The following IFIH1 variants were observed in gnomAD, a reference collection of about 807,000 sequenced individuals.
IFIH1 encodes interferon-induced helicase C domain-containing protein 1.
IFIH1 carries 125 observed loss-of-function variants against 107.4 expected under a neutral mutation model. The ratio of observed to expected loss-of-function variants is 1.16; its 90% CI spans 1.01 to 1.35. IFIH1 has a LOEUF of 1.35. IFIH1 is among the 40% of genes most tolerant of loss of function. IFIH1 has a pLI of 0.00. For synonymous variants in IFIH1, 458 were observed against 413.2 expected (o/e 1.11, Z -1.31); for missense variants, 1,333 against 1,213.7 (o/e 1.10, Z -1.46).
Position 162,281,642 on chromosome 2 carries a change from T to A in IFIH1, c.1307-97A>T, listed in dbSNP as rs531025439. The A allele has an allele frequency of 3.8e-4, 315 of 818,650 alleles. 3 individuals carry two copies. In the African/African-American group the frequency reaches 4.9e-3, roughly 13 times the overall value. 50.7% of individuals were successfully genotyped at this position (818,650 alleles called of 1,614,324 possible). A position where few individuals can be genotyped will look rare whatever the true frequency, so the allele number is the denominator to read the frequency against. ...TAATTGAGCTGCCTTGGGGATGCCT[T>A]CTCTTGGGCACGACACAAGAGCAGT... On this transcript the variant is annotated intron_variant, in intron 6 of 15. Transcript: ENST00000649979.
At chr2:162,306,214 G>A (rs569331048) in intron 3 of IFIH1, among the ~76,000 whole-genome samples, 11 of 152,268 alleles carry the variant, frequency 7.2e-5, no homozygotes, top group African/African-American at 2.6e-4. Context: ...AGTCCTCACC[G>A]ATTAGTTAAT....
intron 4 of IFIH1, 84 bp downstream of exon 4, chr2:162,293,480 G>A (rs779254183): frequency 1.3e-5 from 10 of 751,748 alleles, no homozygotes; most frequent in African/African-American, 3.5e-5. Context: ...AATACATTAG[G>A]GAGGGTATGA....
At chr2:162,279,559 T>C (rs1682769633) in intron 8 of IFIH1, among the ~76,000 whole-genome samples, 1 of 152,110 alleles carries the variant, frequency 6.6e-6, no homozygotes, top group Non-Finnish European at 1.5e-5. Context: ...AAAGTAAATA[T>C]GCAAGTATGC....
At chr2:162,268,340 G>A in intron 13 of IFIH1, 63 bp from the exon 14 acceptor site, 1 of 1,103,380 alleles carries the variant, frequency 9.1e-7, no homozygotes, top group East Asian at 2.4e-5. Flanking sequence ...TTTCATAGAA[G>A]TAAGTCTCCT....
At chr2:162,294,858 A>T (rs1394259356) in intron 3 of IFIH1, among the ~76,000 whole-genome samples, 1 of 151,826 alleles carries the variant, frequency 6.6e-6, no homozygotes, top group African/African-American at 2.4e-5. Context: ...TGTCATATTT[A>T]TGGCTGGAAA....
Position 162,276,965 on chromosome 2 carries a change from G to A in IFIH1, c.2045-19C>T. The A allele has an allele frequency of 6.4e-7, 1 of 1,567,752 alleles. No individual in the cohort carries two copies. Among genetic ancestry groups the A allele is most frequent in the African/African-American group, 1.4e-5 (1 of 72,934 alleles). The stretch of plus-strand genomic sequence containing the variant: ...TTGTTTTCTTTAAGAAATAATTAGA[G>A]TTGATATGTTAACAAGCTTGATTTA... On this transcript the variant is annotated intron_variant, in intron 10 of 15. Coordinates refer to ENST00000649979, the MANE Select transcript of IFIH1 (RefSeq NM_022168.4).
At chr2:162,296,777 T>C (rs1252801587) in intron 3 of IFIH1, among the ~76,000 whole-genome samples, 1 of 152,176 alleles carries the variant, frequency 6.6e-6, no homozygotes, top group Non-Finnish European at 1.5e-5. Context: ...AGATTTTCAC[T>C]AACTTTACAT....
chr2:162,267,209 A>G lies in IFIH1; in HGVS notation c.3069T>C (p.Asp1023=), dbSNP rs532533646. 2 of 1,584,644 alleles carry G rather than the reference A, an allele frequency of 1.3e-6. No individual in the cohort carries two copies. Among genetic ancestry groups the G allele is most frequent in the South Asian group, 1.2e-5 (1 of 85,690 alleles). Residue 1023 remains aspartate (D), a synonymous_variant, in exon 16 of 16, where the codon GAT becomes GAC. Transcript: ENST00000649979. The stretch of plus-strand genomic sequence containing the variant: ...AATCTTCAATCAAGTGCTAATCCTC[A>G]TCACTAAATAAACAGCATTCTGAAT... The part of the protein sequence containing the change: ...LDYSECCLFS[D]ED
chr2:162,297,510 A>G (rs1683113964), intron 3 of IFIH1, among the ~76,000 whole-genome samples: 1 of 152,182 alleles, frequency 6.6e-6, no homozygotes, highest in South Asian at 2.1e-4. Flanking sequence ...AGTAGTCTCT[A>G]TTTTCTCACT....
At chr2:162,288,107 C>T in intron 5 of IFIH1, 28 bp downstream of exon 5, 2 of 1,401,068 alleles carry the variant, frequency 1.4e-6, no homozygotes, top group Non-Finnish European at 2.0e-6. Flanking sequence ...TGAAAATGAT[C>T]AACTAGTGTT....
At chr2:162,306,932 T>C (rs1683291684) in intron 2 of IFIH1, 77 bp from the exon 3 acceptor site, 1 of 1,322,994 alleles carries the variant, frequency 7.6e-7, no homozygotes, top group African/African-American at 1.5e-5. Context: ...GTTATTGTTA[T>C]TTTGAAAACA....
intron 3 of IFIH1, among the ~76,000 whole-genome samples, chr2:162,305,101 A>C (rs533957465): frequency 1.4e-4 from 21 of 152,200 alleles, no homozygotes; most frequent in Non-Finnish European, 2.1e-4. Flanking sequence ...AAGAATATTT[A>C]ATGAACATAA....
intron 12 of IFIH1, 97 bp from the exon 13 acceptor site, chr2:162,272,484 G>T (rs1691062179): frequency 1.9e-6 from 2 of 1,044,812 alleles, no homozygotes; most frequent in Non-Finnish European, 2.8e-6. Flanking sequence ...AGAATGAAAT[G>T]ATATTGGGTT....
At chr2:162,281,821 G>T (rs1035150390) in intron 6 of IFIH1, among the ~76,000 whole-genome samples, 2 of 151,920 alleles carry the variant, frequency 1.3e-5, no homozygotes, top group Non-Finnish European at 2.9e-5. Context: ...GTTAGATGTG[G>T]AATTCACACC....
chr2:162,303,938 A>G (rs1248836682), intron 3 of IFIH1, among the ~76,000 whole-genome samples: 3 of 152,154 alleles, frequency 2.0e-5, no homozygotes, highest in African/African-American at 4.8e-5. Context: ...TTTACAGAAA[A>G]TGGCCAGTAA....
rs144455277 is a variant in IFIH1 at position 162,267,514 on chromosome 2, G to A, written c.2863C>T (p.Gln955Ter). 1 of 1,613,934 alleles carries A rather than the reference G, an allele frequency of 6.2e-7. No individual in the cohort carries two copies. The highest frequency in any genetic ancestry group is 1.7e-5 in the Admixed American group (1 of 60,024). The change falls in exon 15 of 16, where the codon CAA becomes TAA. Residue 955 changes from glutamine to a stop codon, truncating the protein, a stop_gained. Coordinates refer to ENST00000649979, the MANE Select transcript of IFIH1 (RefSeq NM_022168.4). LOFTEE classifies it high-confidence loss of function. ...TTGCAGATGATTTCACCATTTATTT[G>A]ATAGTCGGCACACTTCTTTTGCAGT... ...KALQKKCADY[Q>*]INGEIICKCG...
At position 162,314,408 on chromosome 2, in the gene IFIH1, TTTCTTTCTTTTC is replaced by T. The variant is rs1399960651; in HGVS notation, c.453+3435_453+3446del. 3.2e-4 allele frequency among the ~76,000 whole-genome samples: 23 copies of T among 71,032 alleles called. 1 individual carries two copies. Among genetic ancestry groups the T allele is most frequent in the African/African-American group, 1.9e-3 (19 of 9,790 alleles). The allele number at this position is 71,032 out of a possible 152,430, so 46.6% of individuals were successfully genotyped here. A position where few individuals can be genotyped will look rare whatever the true frequency, so the allele number is the denominator to read the frequency against. On this transcript the variant is annotated intron_variant, in intron 1 of 15. Coordinates refer to ENST00000649979, the MANE Select transcript of IFIH1 (RefSeq NM_022168.4). ...CCTCCCTCCCTCCCTCCTTTCTTTC[TTTCTTTCTTTTC>T]TTTCTTTCTTTCTTTCTTTCTTTCT...
At chr2:162,274,711 A>C (rs1018455526) in intron 11 of IFIH1, among the ~76,000 whole-genome samples, 2 of 152,200 alleles carry the variant, frequency 1.3e-5, no homozygotes, top group African/African-American at 4.8e-5. Flanking sequence ...ACATGGGAGA[A>C]ATGAGTGAGC....
rs770336267 is a variant in IFIH1, at chr2:162,282,464, A to G, written c.1208T>C (p.Val403Ala). The G allele has an allele frequency of 2.4e-5, 38 of 1,611,236 alleles. No homozygotes were observed. The highest frequency in any genetic ancestry group is 3.2e-5 in the Non-Finnish European group (38 of 1,177,914). The change falls in exon 6 of 16, where the codon GTT (valine) becomes GCT (alanine). Residue 403 changes from valine (V) to alanine (A), a missense_variant. By Grantham distance (64) the Val-to-Ala change is moderately conservative (BLOSUM62 0). Transcript: ENST00000649979. ...DTQLKISFPE[V>A]VKSCDIIIST... is the part of the protein sequence containing the mutation. ...GATAATAATATCACAGGACTTGACA[A>G]CTTCTGGAAATGATATTTTCAGTTG...
Sources: allele counts gnomAD v4.1 joint callset (sites outside exome capture counted in the v4.1 genomes callset), GRCh38; gene constraint gnomAD v4.1.1; transcripts MANE v1.5; gene names NCBI Gene and HGNC (gene_info 2026-07-23, HGNC 2026-07-21).